The following MACF1 variants were observed in gnomAD, a reference collection of about 807,000 sequenced individuals.
The protein encoded by MACF1 is microtubule actin crosslinking factor 1, also known as microtubule-actin cross-linking factor 1.
In MACF1, 193 loss-of-function variants were observed where a neutral mutation model predicts 854.8. That is an observed-to-expected ratio of 0.23 (90% CI 0.20 to 0.25). MACF1 has a LOEUF of 0.25. Among genes scored for constraint, MACF1 ranks in the 10% least tolerant of loss-of-function variants. MACF1 has a pLI of 1.00. For missense variants in MACF1, 7,722 were observed against 8,929.1 expected (o/e 0.86, Z 5.45); for synonymous variants, 3,185 against 3,226.7 (o/e 0.99, Z 0.44).
At chr1:39,448,239 AAAG>A in intron 83 of MACF1, 87 bp downstream of exon 83, 1 of 1,433,436 alleles carries the variant, frequency 7.0e-7, no homozygotes, top group Non-Finnish European at 9.4e-7. Flanking sequence ...GAGCTAGTAA[AAAG>A]AAAACCAATT....
intron 6 of MACF1, among the ~76,000 whole-genome samples, chr1:39,270,665 T>C (rs529718241): frequency 2.6e-5 from 4 of 152,320 alleles, no homozygotes; most frequent in South Asian, 2.1e-4. Context: ...TGTTGGCCTC[T>C]GCAGCAGAAG....
At chr1:39,350,568 G>A (rs1647157607) in intron 42 of MACF1, among the ~76,000 whole-genome samples, 1 of 152,176 alleles carries the variant, frequency 6.6e-6, no homozygotes. Context: ...TCATGTTCAT[G>A]TTTATGGACA....
intron 6 of MACF1, among the ~76,000 whole-genome samples, chr1:39,263,745 C>A (rs1433525823): frequency 6.7e-6 from 1 of 148,548 alleles, no homozygotes; most frequent in African/African-American, 2.5e-5. Context: ...TTTGGTATAT[C>A]CTTTCTTTCA....
intron 85 of MACF1, 108 bp from the exon 86 acceptor site, chr1:39,452,048 C>A: frequency 1.0e-6 from 1 of 959,674 alleles, no homozygotes; most frequent in Non-Finnish European, 1.6e-6. Flanking sequence ...TCCCTCTATG[C>A]ATAAAAGACA....
chr1:39,477,075 A>ACACACACACATATACACTTAGTG (rs1331285017), intron 97 of MACF1, among the ~76,000 whole-genome samples: 3 of 51,308 alleles, frequency 5.8e-5, no homozygotes, highest in African/African-American at 3.3e-4. Flanking sequence ...ATATATATAT[A>ACACACACACATATACACTTAGTG]TATATATATA....
At position 39,424,052 on chromosome 1, in the gene MACF1, C is replaced by G. The variant is rs145098670; in HGVS notation, c.16174C>G (p.Arg5392Gly). The G allele has an allele frequency of 3.1e-6, 5 of 1,611,020 alleles. No individual in the cohort carries two copies. Among genetic ancestry groups the G allele is most frequent in the African/African-American group, 2.7e-5 (2 of 73,980 alleles). The change falls in exon 61 of 101, where the codon CGA becomes GGA. Residue 5392 changes from arginine to glycine, a missense_variant. By Grantham distance (125) the Arg-to-Gly change is moderately radical. Transcript: ENST00000564288. Reference protein sequence around the residue: ...QKLLQRLLDDRKATVDMLQAE... With the variant: ...QKLLQRLLDDGKATVDMLQAE... ...GTTGCTCCAGCGGCTCCTAGATGATCGAAAGGCCACAGTAGACATGCTTCA... is the reference window on the plus strand; with the variant it reads ...GTTGCTCCAGCGGCTCCTAGATGATGGAAAGGCCACAGTAGACATGCTTCA...
chr1:39,381,711 T>G (rs1192348748), intron 55 of MACF1, among the ~76,000 whole-genome samples: 1 of 152,072 alleles, frequency 6.6e-6, no homozygotes, highest in Non-Finnish European at 1.5e-5. Flanking sequence ...ACGCCTATAG[T>G]CCCAGCTACT....
chr1:39,450,610 CTTT>C (rs11398407), intron 84 of MACF1, among the ~76,000 whole-genome samples: 2 of 115,250 alleles, frequency 1.7e-5, no homozygotes, highest in African/African-American at 3.2e-5. Flanking sequence ...TACTCTATTT[CTTT>C]TTTTTTTTTT....
At chr1:39,359,380 A>G in intron 47 of MACF1, 116 bp downstream of exon 47, 1 of 1,195,212 alleles carries the variant, frequency 8.4e-7, no homozygotes, top group Non-Finnish European at 1.2e-6. Flanking sequence ...GAGGCTGAGA[A>G]TATAAACATG....
chr1:39,394,272 TTG>T (rs1178160151), intron 58 of MACF1, among the ~76,000 whole-genome samples: 14 of 142,664 alleles, frequency 9.8e-5, no homozygotes, highest in Non-Finnish European at 1.5e-4. Context: ...GATTGATTGA[TTG>T]ATTTATTGCC....
chr1:39,367,782 A>G (rs1277644285), intron 49 of MACF1, among the ~76,000 whole-genome samples: 2 of 152,076 alleles, frequency 1.3e-5, no homozygotes, highest in Non-Finnish European at 2.9e-5. Flanking sequence ...CTACATATTT[A>G]TCAGATTTTT....
chr1:39,137,456 A>G (rs756042129), intron 2 of MACF1, among the ~76,000 whole-genome samples: 5 of 152,206 alleles, frequency 3.3e-5, no homozygotes, highest in Non-Finnish European at 5.9e-5. Context: ...TAACGTGTCT[A>G]CCAGGCTCAA....
Position 39,357,685 on chromosome 1 carries a change from C to A in MACF1, c.11735C>A (p.Thr3912Asn). 1 of 1,614,130 alleles carries A rather than the reference C, an allele frequency of 6.2e-7. No homozygotes were observed. The highest frequency in any genetic ancestry group is 8.5e-7 in the Non-Finnish European group (1 of 1,180,012). Residue 3912 changes from threonine to asparagine, a missense_variant, in exon 45 of 101, where the codon ACC (threonine) becomes AAC (asparagine). Coordinates refer to ENST00000564288, the MANE Select transcript of MACF1 (RefSeq NM_001394062.1). ...NMHKGGSSPE[T>N]LPSLLKRQGS... Reference sequence around the variant, plus strand: ...CATAAGGGAGGCAGCAGCCCCGAGACCCTTCCCTCCCTGCTAAAGCGGCAA... The same window carrying A: ...CATAAGGGAGGCAGCAGCCCCGAGAACCTTCCCTCCCTGCTAAAGCGGCAA...
chr1:39,334,855 CA>C lies in MACF1; in HGVS notation c.8270del (p.Asn2757IlefsTer2). On this transcript the variant is annotated frameshift_variant, in exon 37 of 101. Coordinates refer to ENST00000564288, the MANE Select transcript of MACF1 (RefSeq NM_001394062.1). LOFTEE classifies it high-confidence loss of function. ...IEKRLISPEL[A>X]NMIQIDSSEF... ...AAAAGACTGATCAGCCCTGAACTGGCAAATATGATCCAAATAGATAGTTCAG... is the reference window on the plus strand; with the variant it reads ...AAAAGACTGATCAGCCCTGAACTGGCAATATGATCCAAATAGATAGTTCAG... 2 of 1,614,096 alleles carry C rather than the reference CA, an allele frequency of 1.2e-6. No homozygotes were observed. Among genetic ancestry groups the C allele is most frequent in the Non-Finnish European group, 1.7e-6 (2 of 1,180,004 alleles).
intron 1 of MACF1, among the ~76,000 whole-genome samples, chr1:39,222,450 A>C (rs1644664622): frequency 1.3e-5 from 2 of 152,106 alleles, no homozygotes; most frequent in African/African-American, 4.8e-5. Context: ...TAAGTTTGGA[A>C]TCCTTTGACT....
intron 91 of MACF1, chr1:39,459,903 C>T: frequency 2.6e-6 from 3 of 1,165,534 alleles, no homozygotes; most frequent in South Asian, 2.6e-5. Flanking sequence ...GTTCTTGGTG[C>T]TTTTTTCCCC....
At chr1:39,381,075 T>G (rs1418728462) in intron 55 of MACF1, among the ~76,000 whole-genome samples, 1 of 152,134 alleles carries the variant, frequency 6.6e-6, no homozygotes, top group Non-Finnish European at 1.5e-5. Flanking sequence ...ATTTTTTTTT[T>G]GAGATGGAGT....
chr1:39,252,249 G>C (rs1260709961), intron 4 of MACF1, among the ~76,000 whole-genome samples: 4 of 152,144 alleles, frequency 2.6e-5, no homozygotes, highest in Non-Finnish European at 4.4e-5. Context: ...GCCTTGCTGT[G>C]TTTTCTGAGT....
intron 2 of MACF1, among the ~76,000 whole-genome samples, chr1:39,189,956 C>T (rs1644223326): frequency 6.6e-6 from 1 of 152,002 alleles, no homozygotes; most frequent in African/African-American, 2.4e-5. Flanking sequence ...AATTTTAGAG[C>T]TGGAAAAGAA....
Sources: gnomAD v4.1 joint callset for allele counts (sites outside exome capture counted in the v4.1 genomes callset) on GRCh38, gnomAD v4.1.1 for gene constraint, MANE v1.5 for transcripts, NCBI Gene and HGNC (gene_info 2026-07-23, HGNC 2026-07-21) for gene names.